Variants in EXOG observed in about 807,000 individuals in gnomAD.
EXOG encodes the protein exo/endonuclease G.
In EXOG, 27 loss-of-function variants were observed where a neutral mutation model predicts 25.8. The ratio of observed to expected loss-of-function variants is 1.05; its 90% CI spans 0.77 to 1.45. The LOEUF is 1.45. Ranked by LOEUF, EXOG falls within the 40% of genes most tolerant of loss-of-function variation. The probability of loss-of-function intolerance (pLI) is 0.00; values close to 1 mark genes in which losing one functional copy is unlikely to be tolerated. For synonymous variants in EXOG, 133 were observed against 167.0 expected, an observed-to-expected ratio of 0.80 and a Z score of 1.57; for missense variants, 458 against 450.5, an observed-to-expected ratio of 1.02 and a Z score of -0.15.
At chr3:38,499,657 A>T (rs1028196873) in intron 2 of EXOG, 1 of 451,540 alleles carries the variant, frequency 2.2e-6, no homozygotes, top group East Asian at 7.0e-5. Flanking sequence ...TTTTTTTGAG[A>T]TGGATTTTTG....
At chr3:38,508,227 CT>C (rs899194628) in intron 5 of EXOG, among the ~76,000 whole-genome samples, 5 of 151,930 alleles carry the variant, frequency 3.3e-5, no homozygotes, top group Admixed American at 1.3e-4. Flanking sequence ...CTAGAAGCTT[CT>C]TTTTTTTAAT....
intron 5 of EXOG, among the ~76,000 whole-genome samples, chr3:38,508,086 G>A (rs1250066047): frequency 3.9e-5 from 6 of 151,982 alleles, no homozygotes. Flanking sequence ...AGCCGAGATC[G>A]CACCACTGCA....
intron 4 of EXOG, among the ~76,000 whole-genome samples, chr3:38,505,986 A>T (rs2060192411): frequency 6.6e-6 from 1 of 150,996 alleles, no homozygotes; most frequent in African/African-American, 2.4e-5. Flanking sequence ...CTGCAGTCAT[A>T]TACATACTTT....
chr3:38,507,691 A>G (rs1374319424), intron 5 of EXOG, among the ~76,000 whole-genome samples: 2 of 152,158 alleles, frequency 1.3e-5, no homozygotes, highest in Non-Finnish European at 2.9e-5. Context: ...AGGTGGGAAA[A>G]GGGAGCATTT....
intron 5 of EXOG, among the ~76,000 whole-genome samples, chr3:38,508,584 AG>A (rs2125772409): frequency 6.6e-6 from 1 of 152,276 alleles, no homozygotes; most frequent in South Asian, 2.1e-4. Flanking sequence ...ATAAGGCCAA[AG>A]AGGAGGGGAG....
At chr3:38,515,779 C>A in intron 5 of EXOG, 1 of 154,894 alleles carries the variant, frequency 6.5e-6, no homozygotes, top group South Asian at 1.8e-4. Flanking sequence ...TTCTCCAACC[C>A]TGCAGGCACT....
intron 5 of EXOG, among the ~76,000 whole-genome samples, chr3:38,516,580 T>C (rs2060550103): frequency 6.6e-6 from 1 of 152,220 alleles, no homozygotes; most frequent in Non-Finnish European, 1.5e-5. Context: ...CATTCTGTCA[T>C]GTAACCACAG....
At position 38,525,509 on chromosome 3, in the gene EXOG, T is replaced by C; in HGVS notation, c.*1147T>C. 1.0e-6 allele frequency: 1 copy of C among 985,462 alleles called. No homozygotes were observed. Among genetic ancestry groups the C allele is most frequent in the Non-Finnish European group, 1.2e-6 (1 of 829,930 alleles). 61.0% of individuals were successfully genotyped at this position (985,462 alleles called of 1,614,324 possible). On this transcript the variant is annotated 3_prime_UTR_variant, in exon 6 of 6. Coordinates refer to ENST00000287675, the MANE Select transcript of EXOG (RefSeq NM_005107.4). ...AGAGACAGTCAGGAATATTTGGGAA[T>C]TAGACGGCAATACTTTGTGGGGTTT...
intron 5 of EXOG, among the ~76,000 whole-genome samples, chr3:38,517,078 G>A (rs565908831): frequency 2.4e-4 from 37 of 152,278 alleles, no homozygotes; most frequent in Admixed American, 6.5e-4. Flanking sequence ...ACTTTGAGGC[G>A]ATGTAAGCAT....
chr3:38,511,369 A>G (rs765807109), intron 5 of EXOG, among the ~76,000 whole-genome samples: 3 of 152,196 alleles, frequency 2.0e-5, no homozygotes, highest in Non-Finnish European at 4.4e-5. Flanking sequence ...ATACGTTGTT[A>G]CTTTCCTAAT....
intron 3 of EXOG, 134 bp from the exon 4 acceptor site, chr3:38,503,481 T>G: frequency 1.9e-6 from 1 of 528,562 alleles, no homozygotes; most frequent in Non-Finnish European, 3.4e-6. Context: ...GGCTTTCATT[T>G]ATTGAAACAA....
At chr3:38,508,295 G>A (rs1292471275) in intron 5 of EXOG, among the ~76,000 whole-genome samples, 1 of 152,162 alleles carries the variant, frequency 6.6e-6, no homozygotes. Flanking sequence ...ATAGGAGAGT[G>A]TAATTAGTGG....
intron 4 of EXOG, among the ~76,000 whole-genome samples, chr3:38,504,778 G>C (rs187038886): frequency 8.5e-5 from 13 of 152,140 alleles, no homozygotes; most frequent in African/African-American, 3.1e-4. Context: ...AAATAATCTG[G>C]GCCTTCTACA....
chr3:38,524,023 C>T lies in EXOG; in HGVS notation c.768C>T (p.Ile256=), dbSNP rs149791139. 26 of 1,613,892 alleles carry T rather than the reference C, an allele frequency of 1.6e-5. No individual in the cohort carries two copies. Among genetic ancestry groups the T allele is most frequent in the South Asian group, 2.2e-5 (2 of 91,070 alleles). ...CCTTTGTGGTACCCAATGAAGCCATCGGCTTCCAGCCCCAGTTAACTGAAT... is the reference window on the plus strand; with the variant it reads ...CCTTTGTGGTACCCAATGAAGCCATTGGCTTCCAGCCCCAGTTAACTGAAT... ...LGAFVVPNEA[I]GFQPQLTEFQ... is the part of the protein sequence containing the mutation. Residue 256 remains isoleucine (I), a synonymous_variant, in exon 6 of 6, where the codon ATC becomes ATT. Transcript: ENST00000287675.
At chr3:38,499,013 A>G (rs1319950902) in intron 2 of EXOG, 1 of 456,360 alleles carries the variant, frequency 2.2e-6, no homozygotes, top group South Asian at 1.6e-5. Context: ...AGCTTTACCA[A>G]TTTAATGCTC....
intron 5 of EXOG, among the ~76,000 whole-genome samples, chr3:38,510,722 A>G (rs2125777465): frequency 6.6e-6 from 1 of 150,884 alleles, no homozygotes. Context: ...ATATTAAAAG[A>G]TATATTAAAA....
At chr3:38,517,822 A>C (rs547500211) in intron 5 of EXOG, among the ~76,000 whole-genome samples, 1 of 152,334 alleles carries the variant, frequency 6.6e-6, no homozygotes, top group South Asian at 2.1e-4. Flanking sequence ...GGAGGAGCAT[A>C]TGGTTTTTCA....
At chr3:38,504,635 T>C (rs1445713865) in intron 4 of EXOG, among the ~76,000 whole-genome samples, 2 of 151,998 alleles carry the variant, frequency 1.3e-5, no homozygotes, top group African/African-American at 2.4e-5. Context: ...GGGGTTTCAC[T>C]ATGTTGGCCA....
chr3:38,520,549 C>T (rs533121113), intron 5 of EXOG, among the ~76,000 whole-genome samples: 1 of 152,202 alleles, frequency 6.6e-6, no homozygotes, highest in Non-Finnish European at 1.5e-5. Flanking sequence ...CTTTCTCCTC[C>T]TGAAACCCCA....
Sources: allele counts gnomAD v4.1 joint callset (sites outside exome capture counted in the v4.1 genomes callset), GRCh38; gene constraint gnomAD v4.1.1; transcripts MANE v1.5; gene names NCBI Gene and HGNC (gene_info 2026-07-23, HGNC 2026-07-21).